Variants in SYNC observed in about 807,000 individuals in gnomAD.
The protein encoded by SYNC is syncoilin.
Under a neutral mutation model 49.5 loss-of-function variants are expected in SYNC, and 38 were observed. The ratio of observed to expected loss-of-function variants is 0.77; its 90% CI spans 0.59 to 1.01. SYNC has a LOEUF of 1.01. Among genes scored for constraint, SYNC ranks in the 50% least tolerant of loss-of-function variants. The pLI, the probability that SYNC is intolerant of heterozygous loss-of-function variation, is 0.00. For synonymous variants in SYNC, 201 were observed against 230.8 expected (o/e 0.87, Z 1.17); for missense variants, 579 against 580.6 (o/e 1.00, Z 0.03).
At chr1:32,683,290 A>G (rs902817485) in intron 4 of SYNC, 2 of 149,026 alleles carry the variant, frequency 1.3e-5, no homozygotes, top group African/African-American at 2.5e-5. Context: ...AAAAAAGAGT[A>G]AGTCTGTGTA....
At chr1:32,687,682 G>A (rs1028263489) in intron 2 of SYNC, among the ~76,000 whole-genome samples, 8 of 132,878 alleles carry the variant, frequency 6.0e-5, no homozygotes, top group East Asian at 4.6e-4. Context: ...AAAAAAAAAA[G>A]AAAAAAATGT....
chr1:32,694,003 A>G (rs1019153684), intron 2 of SYNC, among the ~76,000 whole-genome samples: 5 of 152,102 alleles, frequency 3.3e-5, no homozygotes, highest in African/African-American at 1.2e-4. Flanking sequence ...TTGGGAGGCC[A>G]AGGCAGGCGG....
At chr1:32,696,175 C>G (rs1179376302) in intron 1 of SYNC, 131 bp from the exon 2 acceptor site, 6 of 702,738 alleles carry the variant, frequency 8.5e-6, no homozygotes, top group Non-Finnish European at 1.4e-5. Context: ...GCTCCCTCCA[C>G]TCTGTCAATC....
intron 1 of SYNC, among the ~76,000 whole-genome samples, chr1:32,697,924 C>T (rs1418975766): frequency 6.6e-6 from 1 of 151,518 alleles, no homozygotes; most frequent in Non-Finnish European, 1.5e-5. Flanking sequence ...GGATGGGTAT[C>T]AAAAACAGTG....
intron 1 of SYNC, among the ~76,000 whole-genome samples, chr1:32,701,188 T>C (rs1382815337): frequency 6.6e-6 from 1 of 152,156 alleles, no homozygotes; most frequent in Non-Finnish European, 1.5e-5. Context: ...GTGCTGGGAT[T>C]ACAGGCGTGA....
intron 2 of SYNC, among the ~76,000 whole-genome samples, chr1:32,694,340 G>A (rs1199485502): frequency 6.6e-6 from 1 of 151,302 alleles, no homozygotes; most frequent in Non-Finnish European, 1.5e-5. Flanking sequence ...CTAAGTGACA[G>A]CAAGACCCTG....
intron 4 of SYNC, chr1:32,683,334 G>A (rs16835131): frequency 0.083 from 12,412 of 150,310 alleles, 516 homozygotes; most frequent in Middle Eastern, 0.17. Context: ...CAAAACCACA[G>A]CCTTTGAATA....
At chr1:32,701,675 C>T (rs1259842928) in intron 1 of SYNC, among the ~76,000 whole-genome samples, 1 of 152,168 alleles carries the variant, frequency 6.6e-6, no homozygotes, top group Non-Finnish European at 1.5e-5. Context: ...GGGAAAGAAG[C>T]AGATGACAGG....
At chr1:32,691,111 G>A (rs111588007) in intron 2 of SYNC, among the ~76,000 whole-genome samples, 9 of 152,144 alleles carry the variant, frequency 5.9e-5, no homozygotes, top group African/African-American at 1.7e-4. Flanking sequence ...CCAGCTACTC[G>A]GGAGGCTGAG....
At chr1:32,694,036 A>T (rs983509073) in intron 2 of SYNC, among the ~76,000 whole-genome samples, 2 of 151,478 alleles carry the variant, frequency 1.3e-5, no homozygotes. Context: ...CAGGAGTTCA[A>T]ATCCAGCCTG....
chr1:32,700,855 G>A (rs786301), intron 1 of SYNC, among the ~76,000 whole-genome samples: 136,915 of 152,134 alleles, frequency 0.9, 62,055 homozygotes, highest in Non-Finnish European at 0.96. Context: ...TAGGATAGGC[G>A]TGAGGTCCAA....
At position 32,695,889 on chromosome 1, in the gene SYNC, G is replaced by A; in HGVS notation, c.209C>T (p.Thr70Ile). Residue 70 changes from threonine to isoleucine, a missense_variant, in exon 2 of 5, where the codon ACA becomes ATA. Transcript: ENST00000409190. The stretch of plus-strand genomic sequence containing the variant: ...CTTCTCAGTCTCTTGCACATAGAGT[G>A]TCTCATCAAGGTCACCTGTGTCCTC... ...YLEDTGDLDE[T>I]LYVQETEKAE... 6.4e-7 allele frequency: 1 copy of A among 1,552,100 alleles called. No individual in the cohort carries two copies. Among genetic ancestry groups the A allele is most frequent in the Non-Finnish European group, 8.7e-7 (1 of 1,147,102 alleles).
chr1:32,702,798 T>C (rs1166674444), upstream of SYNC: 5 of 666,528 alleles, frequency 7.5e-6, no homozygotes, highest in Non-Finnish European at 9.4e-6. The surrounding 1 kb of genome is among the most constrained non-coding windows in gnomAD (Gnocchi z 6.2). Context: ...GCGCGCCCAC[T>C]TGGCCGGGGC....
chr1:32,684,226 T>G, intron 3 of SYNC, 32 bp downstream of exon 3: 3 of 1,613,788 alleles, frequency 1.9e-6, no homozygotes, highest in Non-Finnish European at 2.5e-6. Flanking sequence ...CAGCCAGTAT[T>G]AGATGAGATT....
intron 2 of SYNC, among the ~76,000 whole-genome samples, chr1:32,693,957 C>T (rs947818449): frequency 4.6e-5 from 7 of 152,152 alleles, no homozygotes; most frequent in African/African-American, 1.2e-4. Context: ...CAAAAATTGG[C>T]CGGCTGCGGT....
intron 2 of SYNC, chr1:32,685,857 A>C (rs1230010298): frequency 6.6e-6 from 1 of 152,210 alleles, no homozygotes; most frequent in East Asian, 1.9e-4. Context: ...ATGGTCTCTT[A>C]ATCCTGTGTT....
intron 1 of SYNC, among the ~76,000 whole-genome samples, chr1:32,700,654 G>A (rs1353954942): frequency 2.6e-5 from 4 of 152,084 alleles, no homozygotes; most frequent in African/African-American, 7.2e-5. Flanking sequence ...CTGAGATTGC[G>A]CCATTGCCCT....
At position 32,684,061 on chromosome 1, in the gene SYNC, G is replaced by C. The variant is rs543160863; in HGVS notation, c.1387C>G (p.Gln463Glu). 1.2e-5 allele frequency: 19 copies of C among 1,614,108 alleles called. No individual in the cohort carries two copies. The highest frequency in any genetic ancestry group is 1.6e-5 in the Non-Finnish European group (19 of 1,180,052). The part of the protein sequence containing the change: ...KAMLLPKSLE[Q>E]ADAPTSQAGG... ...GCCTGAGAAGTGGGAGCATCAGCCT[G>C]TTCCAGGCTCTTGGGTAGTAGCATA... is the stretch of plus-strand genomic sequence containing the variant. The change falls in exon 4 of 5, where the codon CAG (glutamine) becomes GAG (glutamate). Residue 463 changes from glutamine to glutamate, a missense_variant. Gln to Glu is a conservative substitution (Grantham distance 29). Coordinates refer to ENST00000409190, the MANE Select transcript of SYNC (RefSeq NM_030786.3).
rs545345375 is a variant in SYNC at position 32,696,472 on chromosome 1, G to A, written c.54-428C>T. On this transcript the variant is annotated intron_variant, in intron 1 of 4. Coordinates refer to ENST00000409190, the MANE Select transcript of SYNC (RefSeq NM_030786.3). ...CCACCACGCCTTTTTTTTTTGAGAC[G>A]GAGTCTTGCTCTGTTGCCAGGCTGG... is the stretch of plus-strand genomic sequence containing the variant. Among the ~76,000 whole-genome samples the A allele has an allele frequency of 2.1e-3, 315 of 151,326 alleles. 2 individuals carry two copies. Among genetic ancestry groups the A allele is most frequent in the Non-Finnish European group, 2.7e-3 (185 of 67,830 alleles).
Sources: allele counts gnomAD v4.1 joint callset (sites outside exome capture counted in the v4.1 genomes callset), GRCh38; gene constraint gnomAD v4.1.1; non-coding constraint Gnocchi (gnomAD v3.1); transcripts MANE v1.5; gene names NCBI Gene and HGNC (gene_info 2026-07-23, HGNC 2026-07-21).